The following MAPT variants were observed in gnomAD, a reference collection of about 807,000 sequenced individuals.
MAPT encodes microtubule-associated protein tau.
MAPT carries 34 observed loss-of-function variants against 67.9 expected under a neutral mutation model. The ratio of observed to expected loss-of-function variants is 0.50; its 90% CI spans 0.38 to 0.67. MAPT has a LOEUF of 0.67. MAPT is among the 30% of genes least tolerant of loss of function. The pLI is 0.00. For synonymous variants in MAPT, 456 were observed against 464.5 expected (o/e 0.98, Z 0.23); for missense variants, 881 against 1,115.2 (o/e 0.79, Z 2.99).
chr17:45,904,339 T>C (rs1250852785), intron 1 of MAPT, among the ~76,000 whole-genome samples: 1 of 78,268 alleles, frequency 1.3e-5, no homozygotes, highest in Non-Finnish European at 2.4e-5. Flanking sequence ...TTATATATTA[T>C]ATATATATTA....
intron 4 of MAPT, chr17:45,979,666 C>T (rs1402347828): frequency 2.0e-5 from 3 of 152,202 alleles, no homozygotes; most frequent in African/African-American, 4.8e-5. Flanking sequence ...TAACTAGGAA[C>T]CTGGCTCCTG....
At chr17:45,954,856 C>T (rs578241572) in intron 1 of MAPT, among the ~76,000 whole-genome samples, 95 of 151,526 alleles carry the variant, frequency 6.3e-4, no homozygotes, top group Non-Finnish European at 8.7e-4. Flanking sequence ...CAGTGGCGGG[C>T]GCCTGTAGTC....
chr17:45,998,122 C>T (rs2074656022), intron 9 of MAPT, among the ~76,000 whole-genome samples: 1 of 152,108 alleles, frequency 6.6e-6, no homozygotes, highest in African/African-American at 2.4e-5. Flanking sequence ...CAGCTTGCCT[C>T]CCCCACGCAG....
In MAPT at chr17:45,956,153, G is replaced by A. The variant is rs2069629134; in HGVS notation, c.-17-6168G>A. 2.0e-5 allele frequency among the ~76,000 whole-genome samples: 3 copies of A among 152,360 alleles called. No homozygotes were observed. In the South Asian group the frequency reaches 6.2e-4, roughly 32 times the overall value. On this transcript the variant is annotated intron_variant, in intron 1 of 12. Coordinates refer to ENST00000262410, the MANE Select transcript of MAPT (RefSeq NM_001377265.1). ...ACCAGGCCCAGGTCAAGCCTGGCTG[G>A]CCAGATGGTGCCTTTGACCTGCTCT...
rs1322511792 is a variant in MAPT at position 45,906,994 on chromosome 17, A to C, written c.-18+12308A>C. The stretch of plus-strand genomic sequence containing the variant: ...AGTTGTTCCCTGTTTCAATTCCAAA[A>C]TTCATATCCAATCCGTTTTGCATGC... On this transcript the variant is annotated intron_variant, in intron 1 of 12. Coordinates refer to ENST00000262410, the MANE Select transcript of MAPT (RefSeq NM_001377265.1). The surrounding 1 kb of genome is among the most constrained non-coding windows in gnomAD (Gnocchi z 4.3). Among the ~76,000 whole-genome samples the C allele has an allele frequency of 6.6e-6, 1 of 152,132 alleles. No individual in the cohort carries two copies. Among genetic ancestry groups the C allele is most frequent in the Non-Finnish European group, 1.5e-5 (1 of 68,034 alleles).
chr17:45,946,615 A>AAAAAAAAAT, intron 1 of MAPT, among the ~76,000 whole-genome samples: 11 of 100,404 alleles, frequency 1.1e-4, no homozygotes, highest in African/African-American at 3.9e-4. Flanking sequence ...AAAAAAAAAA[A>AAAAAAAAAT]ATATATATAT....
At chr17:45,922,779 G>T (rs2065879186) in intron 1 of MAPT, among the ~76,000 whole-genome samples, 1 of 152,070 alleles carries the variant, frequency 6.6e-6, no homozygotes, top group East Asian at 1.9e-4. Flanking sequence ...GCTAGGGCAG[G>T]TCCTTGAAGC....
intron 1 of MAPT, among the ~76,000 whole-genome samples, chr17:45,901,850 T>C (rs766516437): frequency 2.6e-5 from 4 of 152,140 alleles, no homozygotes; most frequent in Non-Finnish European, 5.9e-5. Flanking sequence ...GTCCTCCGAT[T>C]TCAGTTTGGA....
chr17:45,914,102 T>TA (rs113141256), intron 1 of MAPT, among the ~76,000 whole-genome samples: 21,774 of 151,916 alleles, frequency 0.14, 2,138 homozygotes, highest in Middle Eastern at 0.22. Flanking sequence ...TCCCTCATAA[T>TA]AAAAAGACTG....
At chr17:46,003,042 G>A (rs113894932) in intron 9 of MAPT, among the ~76,000 whole-genome samples, 243 of 151,468 alleles carry the variant, frequency 1.6e-3, no homozygotes, top group African/African-American at 5.4e-3. Flanking sequence ...CCTCAGCCTC[G>A]CAAATTGCTG....
chr17:45,987,358 C>T (rs2073652149), intron 6 of MAPT, among the ~76,000 whole-genome samples: 1 of 152,286 alleles, frequency 6.6e-6, no homozygotes, highest in Middle Eastern at 3.4e-3. Context: ...TTCAGTGAGA[C>T]CCTGACAGTA....
chr17:45,932,461 G>T (rs1156867586), intron 1 of MAPT, among the ~76,000 whole-genome samples: 1 of 151,308 alleles, frequency 6.6e-6, no homozygotes, highest in Non-Finnish European at 1.5e-5. Flanking sequence ...ATGATGGTGG[G>T]TGCCTGTAAT....
chr17:46,026,633 C>G lies in MAPT; in HGVS notation c.*2462C>G, dbSNP rs373771476. The G allele has an allele frequency of 6.6e-6, 1 of 152,272 alleles. No individual in the cohort carries two copies. The highest frequency in any genetic ancestry group is 1.5e-5 in the Non-Finnish European group (1 of 68,108). 9.4% of individuals were successfully genotyped at this position (152,272 alleles called of 1,614,324 possible). A position where few individuals can be genotyped will look rare whatever the true frequency, so the allele number is the denominator to read the frequency against. On this transcript the variant is annotated 3_prime_UTR_variant, in exon 13 of 13. Transcript: ENST00000262410. ...GCGCAGCCTCCCACCAAGGGCCCTGCGACCACAGCAGGGATTGGGATGAAT... is the reference window on the plus strand; with the variant it reads ...GCGCAGCCTCCCACCAAGGGCCCTGGGACCACAGCAGGGATTGGGATGAAT...
At chr17:45,960,434 C>T (rs2070262131) in intron 1 of MAPT, among the ~76,000 whole-genome samples, 2 of 152,042 alleles carry the variant, frequency 1.3e-5, no homozygotes, top group Non-Finnish European at 2.9e-5. Context: ...AGCCAGATGG[C>T]ATGTGCCGCC....
At chr17:46,019,163 A>G (rs558034431) in intron 12 of MAPT, among the ~76,000 whole-genome samples, 2 of 152,226 alleles carry the variant, frequency 1.3e-5, no homozygotes, top group East Asian at 1.9e-4. Flanking sequence ...GGCAAAGGAG[A>G]AGCAAAGGCA....
chr17:45,927,888 T>A (rs113796169), intron 1 of MAPT, among the ~76,000 whole-genome samples: 21,752 of 151,182 alleles, frequency 0.14, 2,135 homozygotes, highest in Middle Eastern at 0.22. Flanking sequence ...TAGTCCCAGC[T>A]ACTCGGGAGG....
intron 1 of MAPT, among the ~76,000 whole-genome samples, chr17:45,941,653 TC>T (rs1456748105): frequency 2.1e-5 from 2 of 97,096 alleles, no homozygotes; most frequent in African/African-American, 9.1e-5. Flanking sequence ...CTTCCCCCCT[TC>T]CACCCTTCCC....
intron 9 of MAPT, chr17:45,999,549 G>C (rs990094943): frequency 2.4e-5 from 38 of 1,613,364 alleles, no homozygotes; most frequent in Non-Finnish European, 3.2e-5. Flanking sequence ...GGGCTGAGCA[G>C]GGAAGACAAC....
rs1355695098 is a variant in MAPT at position 45,996,531 on chromosome 17, G to A, written c.1865G>A (p.Arg622His). 4.3e-6 allele frequency: 7 copies of A among 1,611,960 alleles called. No homozygotes were observed. The highest frequency in any genetic ancestry group is 5.1e-6 in the Non-Finnish European group (6 of 1,179,106). Residue 622 changes from arginine (R) to histidine (H), a missense_variant, in exon 9 of 13, where the codon CGT becomes CAT. Physicochemically the swap from Arg to His is conservative, Grantham distance 29 (BLOSUM62 0). This residue lies in a region of MAPT where 33 missense variants were observed against 76.0 expected (regional missense o/e 0.43). Coordinates refer to ENST00000262410, the MANE Select transcript of MAPT (RefSeq NM_001377265.1). This position sits in a 1 kb window ranked among gnomAD's most constrained non-coding sequence, Gnocchi z 4.5. ...GAGCCCAAGAAGGTGGCAGTGGTCCGTACTCCACCCAAGTCGCCGTCTTCC... is the reference window on the plus strand; with the variant it reads ...GAGCCCAAGAAGGTGGCAGTGGTCCATACTCCACCCAAGTCGCCGTCTTCC... The part of the protein sequence containing the change: ...TREPKKVAVV[R>H]TPPKSPSSAK...
Sources: allele counts gnomAD v4.1 joint callset (sites outside exome capture counted in the v4.1 genomes callset), GRCh38; gene constraint gnomAD v4.1.1; regional missense constraint gnomAD v4.1.1; non-coding constraint Gnocchi (gnomAD v3.1); transcripts MANE v1.5; gene names NCBI Gene and HGNC (gene_info 2026-07-23, HGNC 2026-07-21).